The following SLC25A42 variants were observed in gnomAD, a reference collection of about 807,000 sequenced individuals.
The protein encoded by SLC25A42 is solute carrier family 25 member 42.
Under a neutral mutation model 34.7 loss-of-function variants are expected in SLC25A42, and 19 were observed. The observed-to-expected ratio is 0.55, with a 90% CI of 0.38 to 0.80. The LOEUF (loss-of-function observed/expected upper bound fraction) is 0.80, where lower values mean the gene tolerates loss of function less well. SLC25A42 is among the 30% of genes least tolerant of loss of function. The pLI is 0.00. For synonymous variants in SLC25A42, 205 were observed against 191.2 expected (o/e 1.07, Z -0.59); for missense variants, 364 against 441.3 (o/e 0.82, Z 1.57).
At position 19,106,302 on chromosome 19, in the gene SLC25A42, C is replaced by T. The variant is rs766278588; in HGVS notation, c.414C>T (p.Gly138=). 9.9e-6 allele frequency: 16 copies of T among 1,613,194 alleles called. No individual in the cohort carries two copies. The highest frequency in any genetic ancestry group is 1.3e-5 in the African/African-American group (1 of 75,074). ...CCCCTTGGCCTCGCCTCTTCGCCGG[C>T]GCACTGGCTGGAACGACAGCCGCTT... is the stretch of plus-strand genomic sequence containing the variant. The part of the protein sequence containing the change: ...ALPPWPRLFA[G]ALAGTTAASL... The change falls in exon 6 of 8, where the codon GGC becomes GGT. Residue 138 remains glycine, a synonymous_variant. Coordinates refer to ENST00000318596, the MANE Select transcript of SLC25A42 (RefSeq NM_178526.5).
At chr19:19,080,920 AT>A (rs747461027) in intron 1 of SLC25A42, among the ~76,000 whole-genome samples, 2,164 of 44,774 alleles carry the variant, frequency 0.048, 114 homozygotes, top group African/African-American at 0.17. Context: ...ACCCTATAAA[AT>A]TTAAAAAAAA....
rs2059821280 is a variant in SLC25A42 at position 19,105,538 on chromosome 19, T to C, written c.214-23T>C. 5 of 1,601,948 alleles carry C rather than the reference T, an allele frequency of 3.1e-6. No homozygotes were observed. The African/African-American group carries it at 4.0e-5, about 13-fold the overall frequency. The stretch of plus-strand genomic sequence containing the variant: ...GAGGGCAGGCAGAGGCAGAGGGATG[T>C]TGACCTTCCCGCTTATCTCCAGGAG... On this transcript the variant is annotated intron_variant, in intron 4 of 7. Transcript: ENST00000318596.
rs571210716 is a variant in SLC25A42, at chr19:19,082,052, C to T, written c.-34-14039C>T. Among the ~76,000 whole-genome samples the T allele has an allele frequency of 3.1e-4, 47 of 152,282 alleles. No homozygotes were observed. The South Asian group carries it at 3.5e-3, about 11-fold the overall frequency. On this transcript the variant is annotated intron_variant, in intron 1 of 7. Transcript: ENST00000318596. The stretch of plus-strand genomic sequence containing the variant: ...GTCTGGTTATTTGACGTCAGCCTGA[C>T]GTCCACCTCCCGTCACTCCCCTGGC...
At chr19:19,076,477 C>T (rs1043594891) in intron 1 of SLC25A42, among the ~76,000 whole-genome samples, 1 of 151,772 alleles carries the variant, frequency 6.6e-6, no homozygotes, top group African/African-American at 2.4e-5. Context: ...CTTAAAAAAA[C>T]AAAACAAAAC....
At chr19:19,104,516 T>C (rs1288132567) in intron 3 of SLC25A42, among the ~76,000 whole-genome samples, 3 of 152,138 alleles carry the variant, frequency 2.0e-5, no homozygotes, top group African/African-American at 7.2e-5. Flanking sequence ...AGAGGCAGGA[T>C]AGCGGTGCCT....
chr19:19,065,142 G>A (rs2059594804), intron 1 of SLC25A42, among the ~76,000 whole-genome samples: 1 of 152,146 alleles, frequency 6.6e-6, no homozygotes, highest in South Asian at 2.1e-4. Context: ...GGCTTAGCTG[G>A]AAGGGACGGC....
intron 1 of SLC25A42, among the ~76,000 whole-genome samples, chr19:19,073,081 G>A (rs1290705215): frequency 1.3e-5 from 2 of 152,212 alleles, no homozygotes; most frequent in Admixed American, 1.3e-4. Context: ...GTGGTGGCAG[G>A]GAGCCTGTGC....
At chr19:19,064,756 A>G (rs1161511708) in intron 1 of SLC25A42, among the ~76,000 whole-genome samples, 2 of 146,166 alleles carry the variant, frequency 1.4e-5, no homozygotes, top group East Asian at 2.0e-4. Context: ...TTCCACGTGC[A>G]CCTGTGTTCG....
At chr19:19,098,833 A>C (rs2059779090) in intron 2 of SLC25A42, among the ~76,000 whole-genome samples, 2 of 151,890 alleles carry the variant, frequency 1.3e-5, no homozygotes, top group Non-Finnish European at 2.9e-5. Context: ...GGCAGGACAA[A>C]CAACCACTTG....
At chr19:19,101,116 G>A (rs979485139) in intron 2 of SLC25A42, among the ~76,000 whole-genome samples, 5 of 152,154 alleles carry the variant, frequency 3.3e-5, no homozygotes, top group Admixed American at 3.3e-4. Context: ...ACACTGCTGT[G>A]CGGCGTGACC....
Position 19,101,895 on chromosome 19 carries a change from T to C in SLC25A42, c.187+9T>C, listed in dbSNP as rs1379530889. 6.2e-7 allele frequency: 1 copy of C among 1,608,930 alleles called. No individual in the cohort carries two copies. Among genetic ancestry groups the C allele is most frequent in the East Asian group, 2.2e-5 (1 of 44,452 alleles). ...CAAAATCATCTTCCAAGGTAAGTGTTGGCCATCCCCAGGTGCTAGAGAAGC... is the reference window on the plus strand; with the variant it reads ...CAAAATCATCTTCCAAGGTAAGTGTCGGCCATCCCCAGGTGCTAGAGAAGC... On this transcript the variant is annotated intron_variant, in intron 3 of 7. Coordinates refer to ENST00000318596, the MANE Select transcript of SLC25A42 (RefSeq NM_178526.5).
chr19:19,074,127 G>A (rs564757176), intron 1 of SLC25A42, among the ~76,000 whole-genome samples: 2 of 152,374 alleles, frequency 1.3e-5, no homozygotes, highest in East Asian at 1.9e-4. Context: ...TTGGTGACAG[G>A]TGTGGGCAGC....
At chr19:19,075,507 G>T (rs1302452607) in intron 1 of SLC25A42, among the ~76,000 whole-genome samples, 1 of 152,192 alleles carries the variant, frequency 6.6e-6, no homozygotes, top group South Asian at 2.1e-4. Context: ...GAAAGCACTG[G>T]CATCCTAGGT....
In SLC25A42 at chr19:19,107,780, A is replaced by G. The variant is rs530448629; in HGVS notation, c.498-114A>G. ...GTCTTGAAGAAGAAGGAAAACATCA[A>G]CATCCAGACACACCCAGGCCCAGCC... On this transcript the variant is annotated intron_variant, in intron 6 of 7. Transcript: ENST00000318596. The G allele has an allele frequency of 1.9e-5, 19 of 975,514 alleles. No homozygotes were observed. The South Asian group carries it at 2.8e-4, about 14-fold the overall frequency. The allele number at this position is 975,514 out of a possible 1,614,324, so 60.4% of individuals were successfully genotyped here. A position where few individuals can be genotyped will look rare whatever the true frequency, so the allele number is the denominator to read the frequency against.
chr19:19,089,427 C>CT (rs1422500412), intron 1 of SLC25A42, among the ~76,000 whole-genome samples: 2 of 151,570 alleles, frequency 1.3e-5, no homozygotes, highest in African/African-American at 4.9e-5. Flanking sequence ...ACTCAGGAGG[C>CT]TGAGGCAGGA....
chr19:19,070,804 T>G (rs2059626395), intron 1 of SLC25A42, among the ~76,000 whole-genome samples: 1 of 152,162 alleles, frequency 6.6e-6, no homozygotes, highest in Non-Finnish European at 1.5e-5. Flanking sequence ...AGGACATTAT[T>G]AAGGGAAATG....
Position 19,106,322 on chromosome 19 carries a change from C to G in SLC25A42, c.434C>G (p.Ala145Gly). 2 of 1,613,582 alleles carry G rather than the reference C, an allele frequency of 1.2e-6. No individual in the cohort carries two copies. Among genetic ancestry groups the G allele is most frequent in the Non-Finnish European group, 1.7e-6 (2 of 1,179,966 alleles). The change falls in exon 6 of 8, where the codon GCC becomes GGC. Residue 145 changes from alanine (A) to glycine (G), a missense_variant. Coordinates refer to ENST00000318596, the MANE Select transcript of SLC25A42 (RefSeq NM_178526.5). ...LFAGALAGTT[A>G]ASLTYPLDLV... ...GCCGGCGCACTGGCTGGAACGACAG[C>G]CGCTTCACTGACCTACCCCCTGGAC... is the stretch of plus-strand genomic sequence containing the variant.
chr19:19,099,971 G>T (rs1381644473), intron 2 of SLC25A42, among the ~76,000 whole-genome samples: 2 of 151,674 alleles, frequency 1.3e-5, no homozygotes, highest in Non-Finnish European at 2.9e-5. Flanking sequence ...CACGTGATCT[G>T]CCCGCCTCGG....
At chr19:19,107,708 G>A (rs2059839281) in intron 6 of SLC25A42, among the ~76,000 whole-genome samples, 186 bp from the exon 7 acceptor site, 4 of 152,290 alleles carry the variant, frequency 2.6e-5, no homozygotes, top group Middle Eastern at 6.8e-3. Flanking sequence ...CTGGGCTTAC[G>A]CATGCATTTC....
Sources: gnomAD v4.1 joint callset for allele counts (sites outside exome capture counted in the v4.1 genomes callset) on GRCh38, gnomAD v4.1.1 for gene constraint, MANE v1.5 for transcripts, NCBI Gene and HGNC (gene_info 2026-07-23, HGNC 2026-07-21) for gene names.